Variants in SHISA9 observed in about 807,000 individuals in gnomAD.
The protein encoded by SHISA9 is shisa family member 9, also known as protein shisa-9.
Under a neutral mutation model 38.0 loss-of-function variants are expected in SHISA9, and 13 were observed. That is an observed-to-expected ratio of 0.34 (90% CI 0.22 to 0.54). The LOEUF (loss-of-function observed/expected upper bound fraction) is 0.54. Among genes scored for constraint, SHISA9 ranks in the 20% least tolerant of loss-of-function variants. The probability of loss-of-function intolerance (pLI) is 0.91; values close to 1 mark genes in which losing one functional copy is unlikely to be tolerated. For missense variants in SHISA9, 538 were observed against 575.8 expected (o/e 0.93, Z 0.67); for synonymous variants, 275 against 242.0 (o/e 1.14, Z -1.27).
chr16:13,113,664 G>C (rs8055417), intron 2 of SHISA9, among the ~76,000 whole-genome samples: 31,360 of 152,088 alleles, frequency 0.21, 3,737 homozygotes, highest in South Asian at 0.37. Context: ...TTAATATTCA[G>C]TTGCTGCAGG....
chr16:12,964,441 AC>A (rs1366938387), intron 2 of SHISA9, among the ~76,000 whole-genome samples: 2 of 151,556 alleles, frequency 1.3e-5, no homozygotes, highest in African/African-American at 4.8e-5. Context: ...TTTATTAGCT[AC>A]CTAACTAAAA....
intron 2 of SHISA9, among the ~76,000 whole-genome samples, chr16:13,095,077 A>G (rs1156422388): frequency 6.6e-6 from 1 of 152,236 alleles, no homozygotes; most frequent in Non-Finnish European, 1.5e-5. Flanking sequence ...ATGGTCTGTC[A>G]AATGGTTTAC....
chr16:13,543,048 TC>T, the SHISA9 span, among the ~76,000 whole-genome samples: 1 of 152,208 alleles, frequency 6.6e-6, no homozygotes. Context: ...CAACGTTTTC[TC>T]CCTTTATTCA....
chr16:13,448,033 G>A, the SHISA9 span, among the ~76,000 whole-genome samples: 29 of 152,296 alleles, frequency 1.9e-4, no homozygotes, highest in Middle Eastern at 3.4e-3. Context: ...GGTGTCTATC[G>A]TTAGTCACAG....
chr16:12,990,659 A>G (rs768896914), intron 2 of SHISA9, among the ~76,000 whole-genome samples: 13 of 152,104 alleles, frequency 8.5e-5, no homozygotes, highest in Non-Finnish European at 1.8e-4. Context: ...TCAAAACTGG[A>G]GGTGGATGGG....
chr16:13,079,640 C>G (rs1304535205), intron 2 of SHISA9, among the ~76,000 whole-genome samples: 1 of 152,196 alleles, frequency 6.6e-6, no homozygotes, highest in Non-Finnish European at 1.5e-5. Flanking sequence ...TTTCTCCTGA[C>G]AATGCTCTCT....
At chr16:13,432,370 G>T in the SHISA9 span, among the ~76,000 whole-genome samples, 1 of 152,168 alleles carries the variant, frequency 6.6e-6, no homozygotes, top group Non-Finnish European at 1.5e-5. Flanking sequence ...TGGAGGGTGA[G>T]AATTACTTTC....
intron 2 of SHISA9, among the ~76,000 whole-genome samples, chr16:13,126,425 A>T (rs1278146430): frequency 2.0e-5 from 3 of 151,914 alleles, no homozygotes; most frequent in Non-Finnish European, 4.4e-5. Flanking sequence ...AGGAAGAGGA[A>T]GAGGGAGAGA....
rs1410821057 is a variant in SHISA9 at position 13,235,306 on chromosome 16, C to A, written c.1172C>A (p.Thr391Lys). The A allele has an allele frequency of 3.2e-6, 5 of 1,550,626 alleles. No homozygotes were observed. Among genetic ancestry groups the A allele is most frequent in the Non-Finnish European group, 4.4e-6 (5 of 1,147,002 alleles). ...QAYSNKGKLG[T>K]AETGSSDPLG... ...TACAGCAACAAGGGCAAGCTTGGCA[C>A]GGCCGAGACAGGCTCCAGCGACCCC... is the stretch of plus-strand genomic sequence containing the variant. Residue 391 changes from threonine to lysine, a missense_variant, in exon 5 of 5, where the codon ACG (threonine) becomes AAG (lysine). Transcript: ENST00000558583.
rs536673983 is a variant in SHISA9 at position 12,958,159 on chromosome 16, C to T, written c.691+41344C>T. ...CCCCGACATCACTTCTGTGAATCTC[C>T]TGTAGGCTTCCAAGGAGCATTGTTT... On this transcript the variant is annotated intron_variant, in intron 2 of 4. Coordinates refer to ENST00000558583, the MANE Select transcript of SHISA9 (RefSeq NM_001145204.3). 2.4e-4 allele frequency among the ~76,000 whole-genome samples: 36 copies of T among 152,362 alleles called. No individual in the cohort carries two copies. The East Asian group carries it at 5.8e-3, about 24-fold the overall frequency.
chr16:13,122,230 G>A (rs1596662886), intron 2 of SHISA9, among the ~76,000 whole-genome samples: 1 of 152,210 alleles, frequency 6.6e-6, no homozygotes, highest in African/African-American at 2.4e-5. Context: ...GGTTTAGGCA[G>A]TTGTCAGTCA....
chr16:13,328,538 G>T, the SHISA9 span, among the ~76,000 whole-genome samples: 2 of 150,182 alleles, frequency 1.3e-5, no homozygotes, highest in Admixed American at 1.3e-4. Context: ...TCAGCCTTCT[G>T]AGTAGCTAGA....
intron 2 of SHISA9, among the ~76,000 whole-genome samples, chr16:13,120,233 G>A (rs768200965): frequency 6.6e-5 from 10 of 152,118 alleles, no homozygotes; most frequent in Non-Finnish European, 1.3e-4. Context: ...AGAGTTACTC[G>A]CCCAGGAACC....
At chr16:13,325,389 G>C in the SHISA9 span, among the ~76,000 whole-genome samples, 1 of 152,186 alleles carries the variant, frequency 6.6e-6, no homozygotes, top group Non-Finnish European at 1.5e-5. Flanking sequence ...TCCAAAGGGA[G>C]GAAGGTATTA....
chr16:13,338,115 G>A, the SHISA9 span, among the ~76,000 whole-genome samples: 1 of 152,092 alleles, frequency 6.6e-6, no homozygotes, highest in Non-Finnish European at 1.5e-5. Flanking sequence ...AGGCTACCAG[G>A]GGCCTTCTTG....
chr16:13,196,951 G>A (rs1198256197), intron 2 of SHISA9, among the ~76,000 whole-genome samples: 20 of 152,094 alleles, frequency 1.3e-4, no homozygotes, highest in Admixed American at 1.0e-3. Context: ...AACATTAGCC[G>A]GACATGGTGG....
intron 2 of SHISA9, among the ~76,000 whole-genome samples, chr16:13,052,961 T>TTC (rs2073269360): frequency 7.9e-6 from 1 of 125,816 alleles, no homozygotes; most frequent in African/African-American, 2.8e-5. Flanking sequence ...CTTCCTTTCT[T>TTC]TTTTTTTTTT....
intron 2 of SHISA9, among the ~76,000 whole-genome samples, chr16:13,112,026 T>G (rs747229039): frequency 5.9e-5 from 9 of 152,204 alleles, no homozygotes; most frequent in Non-Finnish European, 1.3e-4. Flanking sequence ...GGGCCTTTGC[T>G]CTTTCCCATT....
At chr16:12,976,412 G>A (rs1257343507) in intron 2 of SHISA9, among the ~76,000 whole-genome samples, 1 of 152,086 alleles carries the variant, frequency 6.6e-6, no homozygotes, top group Admixed American at 6.6e-5. Flanking sequence ...TTTTTTATGG[G>A]TGTGGCTCTT....
Sources: gnomAD v4.1 joint callset for allele counts (sites outside exome capture counted in the v4.1 genomes callset) on GRCh38, gnomAD v4.1.1 for gene constraint, MANE v1.5 for transcripts, NCBI Gene and HGNC (gene_info 2026-07-23, HGNC 2026-07-21) for gene names.